C6orf89: variants seen among roughly 807,000 people sequenced by gnomAD.
C6orf89 encodes chromosome 6 open reading frame 89.
A neutral mutation model predicts 40.7 loss-of-function variants in C6orf89; 29 were observed. That is an observed-to-expected ratio of 0.71 (90% CI 0.53 to 0.97). The LOEUF (loss-of-function observed/expected upper bound fraction) is 0.97. C6orf89 is among the 50% of genes least tolerant of loss of function. The probability of loss-of-function intolerance (pLI) is 0.00; values close to 1 mark genes in which losing one functional copy is unlikely to be tolerated. For missense variants in C6orf89, 392 were observed against 429.1 expected, an observed-to-expected ratio of 0.91 and a Z score of 0.76; for synonymous variants, 165 against 152.2, an observed-to-expected ratio of 1.08 and a Z score of -0.62.
intron 6 of C6orf89, among the ~76,000 whole-genome samples, chr6:36,915,571 A>G (rs1353294375): frequency 1.3e-5 from 2 of 152,046 alleles, no homozygotes; most frequent in African/African-American, 4.8e-5. Context: ...GGGAGACCCC[A>G]TCTCTACAAA....
At chr6:36,907,119 A>G (rs772722016) in intron 4 of C6orf89, among the ~76,000 whole-genome samples, 1 of 152,002 alleles carries the variant, frequency 6.6e-6, no homozygotes, top group Non-Finnish European at 1.5e-5. Context: ...GTAAATGTTT[A>G]TTGAGACCCT....
rs1266426492 is a variant in C6orf89 at position 36,886,009 on chromosome 6, G to A, written c.-139G>A. 2.7e-6 allele frequency: 3 copies of A among 1,096,850 alleles called. No homozygotes were observed. Among genetic ancestry groups the A allele is most frequent in the Non-Finnish European group, 3.3e-6 (3 of 922,478 alleles). 67.9% of individuals were successfully genotyped at this position (1,096,850 alleles called of 1,614,324 possible). A position where few individuals can be genotyped will look rare whatever the true frequency, so the allele number is the denominator to read the frequency against. On this transcript the variant is annotated 5_prime_UTR_variant, in exon 1 of 9. Coordinates refer to ENST00000480824, the MANE Select transcript of C6orf89 (RefSeq NM_001286635.2). ...GCTGTCCCCGAGGCGGGAGGAGCCC[G>A]AGGGGCGCGAGCCCCGCATGTGAGT...
chr6:36,919,904 A>G (rs1259656849), intron 8 of C6orf89, among the ~76,000 whole-genome samples: 2 of 152,260 alleles, frequency 1.3e-5, no homozygotes, highest in South Asian at 2.1e-4. Flanking sequence ...TGGCTTGTAC[A>G]TACAACATAT....
rs183097917 is a variant in C6orf89, at chr6:36,900,087, A to G, written c.189+454A>G. Among the ~76,000 whole-genome samples the G allele has an allele frequency of 5.9e-3, 903 of 151,836 alleles. 2 individuals carry two copies. The highest frequency in any genetic ancestry group is 0.012 in the African/African-American group (480 of 41,376). On this transcript the variant is annotated intron_variant, in intron 3 of 8. Transcript: ENST00000480824. ...TTTTTAGTAGAGACAGGTTTTCTCC[A>G]TGTTGGTCAGGCTGGTCTTGAACTC... is the stretch of plus-strand genomic sequence containing the variant.
intron 2 of C6orf89, among the ~76,000 whole-genome samples, chr6:36,896,903 G>A (rs1040220747): frequency 2.0e-5 from 3 of 152,032 alleles, no homozygotes; most frequent in Non-Finnish European, 2.9e-5. Context: ...TGAGGCAGGC[G>A]AATTGCCTGA....
chr6:36,886,145 C>A, intron 1 of C6orf89, 117 bp downstream of exon 1: 1 of 930,378 alleles, frequency 1.1e-6, no homozygotes, highest in Non-Finnish European at 1.4e-6. Context: ...CCCTCTATCC[C>A]AGCGCGGATC....
chr6:36,899,582 T>G lies in C6orf89; in HGVS notation c.138T>G (p.Asn46Lys). 1.9e-6 allele frequency: 3 copies of G among 1,614,160 alleles called. No individual in the cohort carries two copies. Among genetic ancestry groups the G allele is most frequent in the Non-Finnish European group, 2.5e-6 (3 of 1,180,030 alleles). ...EKFIRQLLEK[N>K]EPQRPPPQYP... Reference sequence around the variant, plus strand: ...TTATCAGACAGCTGCTGGAAAAGAATGAACCTCAGAGACCCCCCCCGCAGT... The same window carrying G: ...TTATCAGACAGCTGCTGGAAAAGAAGGAACCTCAGAGACCCCCCCCGCAGT... The change falls in exon 3 of 9, where the codon AAT (asparagine) becomes AAG (lysine). Residue 46 changes from asparagine (N) to lysine (K), a missense_variant. By Grantham distance (94) the Asn-to-Lys change is moderately conservative. Coordinates refer to ENST00000480824, the MANE Select transcript of C6orf89 (RefSeq NM_001286635.2).
chr6:36,902,135 G>A (rs1013420282), intron 3 of C6orf89, 86 bp from the exon 4 acceptor site: 2 of 1,146,390 alleles, frequency 1.7e-6, no homozygotes, highest in Non-Finnish European at 2.6e-6. Context: ...GGAAGTAGCA[G>A]AAGAAGCCTG....
chr6:36,879,702 C>T (rs1380680412), intron 2 of C6orf89, among the ~76,000 whole-genome samples: 1 of 151,902 alleles, frequency 6.6e-6, no homozygotes, highest in Non-Finnish European at 1.5e-5. Flanking sequence ...CCCACAAGCT[C>T]GCTGGTCAAT....
At chr6:36,872,015 G>T in intron 1 of C6orf89, 1 of 724,166 alleles carries the variant, frequency 1.4e-6, no homozygotes, top group Non-Finnish European at 2.0e-6. Flanking sequence ...CTCAGCAAAG[G>T]AAAACACCAC....
chr6:36,920,012 A>C (rs1342333129), intron 8 of C6orf89, among the ~76,000 whole-genome samples: 1 of 152,158 alleles, frequency 6.6e-6, no homozygotes. Flanking sequence ...AAAGGTTGAG[A>C]CCCAGAGAGG....
At chr6:36,907,165 T>G (rs1183631628) in intron 4 of C6orf89, among the ~76,000 whole-genome samples, 9 of 152,340 alleles carry the variant, frequency 5.9e-5, no homozygotes, top group African/African-American at 1.9e-4. Context: ...AACAAAGCAG[T>G]GAACAAAACA....
chr6:36,875,337 A>G (rs1260275363), intron 1 of C6orf89, among the ~76,000 whole-genome samples: 2 of 152,252 alleles, frequency 1.3e-5, no homozygotes, highest in Non-Finnish European at 2.9e-5. Flanking sequence ...CTCGGCAGTT[A>G]ATACTTGTTT....
chr6:36,916,092 CCTT>C (rs996082910), intron 6 of C6orf89, among the ~76,000 whole-genome samples: 4 of 152,098 alleles, frequency 2.6e-5, no homozygotes, highest in African/African-American at 4.8e-5. Flanking sequence ...GTCCCTTCCT[CCTT>C]CTCTCTTCTC....
At chr6:36,883,471 T>A (rs1489367360), upstream of C6orf89, 1 of 152,240 alleles carries the variant, frequency 6.6e-6, no homozygotes, top group Non-Finnish European at 1.5e-5. Flanking sequence ...GAATATTTTT[T>A]CCTTGTTTAT....
chr6:36,921,113 G>A (rs1422903808), intron 8 of C6orf89, among the ~76,000 whole-genome samples: 1 of 152,136 alleles, frequency 6.6e-6, no homozygotes. Context: ...TAGAAAGAAA[G>A]GACCCCTATA....
At chr6:36,892,394 G>T (rs915653818) in intron 1 of C6orf89, among the ~76,000 whole-genome samples, 1 of 152,178 alleles carries the variant, frequency 6.6e-6, no homozygotes, top group African/African-American at 2.4e-5. Context: ...TGCAGTTGCT[G>T]TTCACAGGCG....
At chr6:36,909,489 A>G (rs1018420939) in intron 4 of C6orf89, among the ~76,000 whole-genome samples, 7 of 152,170 alleles carry the variant, frequency 4.6e-5, no homozygotes, top group African/African-American at 7.2e-5. Context: ...GTCAAATTGC[A>G]TGTCTTTTCA....
rs1443974790 is a variant in C6orf89 at position 36,928,895 on chromosome 6, G to A, written c.*5454G>A. On this transcript the variant is annotated 3_prime_UTR_variant, in exon 9 of 9. Transcript: ENST00000480824. ...TAAAGACTTCCACCATGTGAAGAATGTATGTAAATTAAAGTTTATTGTAAT... is the reference window on the plus strand; with the variant it reads ...TAAAGACTTCCACCATGTGAAGAATATATGTAAATTAAAGTTTATTGTAAT... 6.6e-6 allele frequency: 1 copy of A among 152,230 alleles called. No homozygotes were observed. The highest frequency in any genetic ancestry group is 1.9e-4 in the East Asian group (1 of 5,202). The allele number at this position is 152,230 out of a possible 1,614,324, so 9.4% of individuals were successfully genotyped here.
Sources: gnomAD v4.1 joint callset for allele counts (sites outside exome capture counted in the v4.1 genomes callset) on GRCh38, gnomAD v4.1.1 for gene constraint, MANE v1.5 for transcripts, NCBI Gene and HGNC (gene_info 2026-07-23, HGNC 2026-07-21) for gene names.